Variants in CSMD1 observed in about 807,000 individuals in gnomAD.
The protein encoded by CSMD1 is CUB and Sushi multiple domains 1.
Under a neutral mutation model 417.5 loss-of-function variants are expected in CSMD1, and 213 were observed. That is an observed-to-expected ratio of 0.51 (90% CI 0.46 to 0.57). The LOEUF (loss-of-function observed/expected upper bound fraction) is 0.57. CSMD1 is among the 20% of genes least tolerant of loss of function. CSMD1 has a pLI of 0.00. For missense variants in CSMD1, 6,923 were observed against 4,529.7 expected (o/e 1.53, Z -15.17); for synonymous variants, 2,862 against 1,736.8 (o/e 1.65, Z -16.11).
rs575378454 is a variant in CSMD1 at position 4,524,169 on chromosome 8, G to T, written c.303-104104C>A. The stretch of plus-strand genomic sequence containing the variant: ...TATGCATCATATTTGTATGTATAAA[G>T]AAAGCAGTGGGGGAAGCTAGGGGGA... On this transcript the variant is annotated intron_variant, in intron 2 of 69. Transcript: ENST00000635120. 5.9e-5 allele frequency among the ~76,000 whole-genome samples: 9 copies of T among 151,716 alleles called. No homozygotes were observed. In the East Asian group the frequency reaches 1.7e-3, roughly 29 times the overall value.
At chr8:4,687,910 T>G (rs551378599) in intron 1 of CSMD1, among the ~76,000 whole-genome samples, 1 of 152,112 alleles carries the variant, frequency 6.6e-6, no homozygotes, top group East Asian at 1.9e-4. Context: ...TAACGACATG[T>G]CATATGTGAA....
intron 1 of CSMD1, among the ~76,000 whole-genome samples, chr8:4,915,074 G>C (rs1805959315): frequency 6.6e-6 from 1 of 152,132 alleles, no homozygotes; most frequent in African/African-American, 2.4e-5. Context: ...AATACACTCG[G>C]TTTCTCAGAT....
At chr8:3,729,562 T>C (rs1250604802) in intron 6 of CSMD1, among the ~76,000 whole-genome samples, 2 of 152,002 alleles carry the variant, frequency 1.3e-5, no homozygotes, top group Admixed American at 6.6e-5. Flanking sequence ...GTCCAGAAGG[T>C]ATCGGGTCAG....
intron 5 of CSMD1, among the ~76,000 whole-genome samples, chr8:3,758,433 G>C (rs915795137): frequency 2.0e-5 from 3 of 152,134 alleles, no homozygotes; most frequent in African/African-American, 7.2e-5. Context: ...GACTTTTGTT[G>C]TTTGTTTGGG....
In CSMD1 at chr8:3,824,346, G is replaced by A. The variant is rs544557526; in HGVS notation, c.819-70304C>T. 5.9e-5 allele frequency among the ~76,000 whole-genome samples: 9 copies of A among 152,276 alleles called. No homozygotes were observed. The East Asian group carries it at 1.7e-3, about 29-fold the overall frequency. ...ACTGAGAGGTTGCCAGATACTATGT[G>A]CAAAGTTTGTCAAATGACGGCGATT... On this transcript the variant is annotated intron_variant, in intron 5 of 69. Coordinates refer to ENST00000635120, the MANE Select transcript of CSMD1 (RefSeq NM_033225.6).
intron 1 of CSMD1, among the ~76,000 whole-genome samples, chr8:4,865,247 T>A (rs1404585335): frequency 6.6e-6 from 1 of 151,852 alleles, no homozygotes. Context: ...TGTACCAACA[T>A]AAAACTTCTA....
chr8:3,912,679 T>A (rs1209443380), intron 5 of CSMD1, among the ~76,000 whole-genome samples: 1 of 152,096 alleles, frequency 6.6e-6, no homozygotes, highest in African/African-American at 2.4e-5. Flanking sequence ...TTTGATAAAC[T>A]GAGAAATACA....
chr8:4,858,801 GGGTA>G (rs1373101695), intron 1 of CSMD1, among the ~76,000 whole-genome samples: 2 of 142,812 alleles, frequency 1.4e-5, no homozygotes, highest in Non-Finnish European at 3.1e-5. Flanking sequence ...CCACGCTCAT[GGGTA>G]GGAAGAATCA....
At chr8:3,280,098 G>A (rs1392734456) in intron 26 of CSMD1, among the ~76,000 whole-genome samples, 1 of 152,126 alleles carries the variant, frequency 6.6e-6, no homozygotes, top group Non-Finnish European at 1.5e-5. Context: ...GAGGTACTAG[G>A]CCTCTGTGCC....
intron 11 of CSMD1, among the ~76,000 whole-genome samples, chr8:3,488,401 C>T (rs569474227): frequency 2.2e-3 from 332 of 152,242 alleles, no homozygotes; most frequent in Non-Finnish European, 2.5e-3. Context: ...TACCAGCATG[C>T]CTGGCCAATA....
intron 3 of CSMD1, among the ~76,000 whole-genome samples, chr8:4,280,718 G>T (rs1397201607): frequency 6.6e-6 from 1 of 152,126 alleles, no homozygotes; most frequent in Admixed American, 6.6e-5. Context: ...TACCGTGTAA[G>T]CCATAAATAT....
At chr8:3,090,303 C>T (rs534849287) in intron 48 of CSMD1, among the ~76,000 whole-genome samples, 1 of 113,386 alleles carries the variant, frequency 8.8e-6, no homozygotes, top group Admixed American at 1.2e-4. Flanking sequence ...GGCAACAGAG[C>T]CAGACTGTAT....
Position 4,881,912 on chromosome 8 carries a change from C to G in CSMD1, c.85+112420G>C, listed in dbSNP as rs183644821. Among the ~76,000 whole-genome samples the G allele has an allele frequency of 2.7e-4, 41 of 152,034 alleles. No individual in the cohort carries two copies. In the East Asian group the frequency reaches 7.0e-3, roughly 26 times the overall value. ...AGGGGAAAAACATTGATGCTGGACACTTTTGTGGGGTTCTTCTTGCAGGGA... is the reference window on the plus strand; with the variant it reads ...AGGGGAAAAACATTGATGCTGGACAGTTTTGTGGGGTTCTTCTTGCAGGGA... On this transcript the variant is annotated intron_variant, in intron 1 of 69. Coordinates refer to ENST00000635120, the MANE Select transcript of CSMD1 (RefSeq NM_033225.6).
At chr8:4,092,087 G>A (rs902290861) in intron 3 of CSMD1, among the ~76,000 whole-genome samples, 3 of 152,032 alleles carry the variant, frequency 2.0e-5, no homozygotes, top group African/African-American at 4.8e-5. Context: ...AGCTTAAGAG[G>A]GACGTAATTC....
At chr8:4,162,997 T>C (rs1308927070) in intron 3 of CSMD1, among the ~76,000 whole-genome samples, 2 of 152,164 alleles carry the variant, frequency 1.3e-5, no homozygotes, top group Admixed American at 1.3e-4. Flanking sequence ...GTGGGTAACC[T>C]TTTCAGACTG....
chr8:4,059,206 G>A (rs1164918128), intron 3 of CSMD1, among the ~76,000 whole-genome samples: 8 of 152,232 alleles, frequency 5.3e-5, no homozygotes, highest in East Asian at 1.9e-4. Context: ...GGTACATAAC[G>A]AAATGAAGGC....
chr8:4,407,371 C>G (rs879841873), intron 3 of CSMD1, among the ~76,000 whole-genome samples: 1 of 151,822 alleles, frequency 6.6e-6, no homozygotes, highest in East Asian at 1.9e-4. Context: ...TTTACTATGA[C>G]TCTTGTTTAA....
At chr8:4,275,848 G>T (rs1727868967) in intron 3 of CSMD1, among the ~76,000 whole-genome samples, 1 of 152,150 alleles carries the variant, frequency 6.6e-6, no homozygotes, top group Non-Finnish European at 1.5e-5. Context: ...TATTTTATAT[G>T]TTATTCCACA....
intron 23 of CSMD1, among the ~76,000 whole-genome samples, chr8:3,329,142 G>T (rs758814339): frequency 6.6e-6 from 1 of 152,140 alleles, no homozygotes; most frequent in East Asian, 1.9e-4. Flanking sequence ...ATATGTAATT[G>T]AAGGAGAGAG....
Sources: allele counts gnomAD v4.1 joint callset (sites outside exome capture counted in the v4.1 genomes callset), GRCh38; gene constraint gnomAD v4.1.1; transcripts MANE v1.5; gene names NCBI Gene and HGNC (gene_info 2026-07-23, HGNC 2026-07-21).